Variants in RGS8 observed in about 807,000 individuals in gnomAD.
RGS8 encodes regulator of G protein signaling 8, also known as regulator of G-protein signaling 8.
Under a neutral mutation model 21.7 loss-of-function variants are expected in RGS8, and 8 were observed. That is an observed-to-expected ratio of 0.37 (90% CI 0.22 to 0.66). The LOEUF is 0.66. RGS8 is among the 30% of genes least tolerant of loss of function. RGS8 has a pLI of 0.59. For synonymous variants in RGS8, 80 were observed against 83.6 expected (o/e 0.96, Z 0.24); for missense variants, 157 against 217.9 (o/e 0.72, Z 1.76).
chr1:182,671,102 G>A (rs779982964), intron 2 of RGS8, among the ~76,000 whole-genome samples: 1 of 152,130 alleles, frequency 6.6e-6, no homozygotes, highest in Non-Finnish European at 1.5e-5. Context: ...TCCCCGCCTT[G>A]TCTCTCTTCC....
the RGS8 span, among the ~76,000 whole-genome samples, chr1:182,708,014 AT>A: frequency 6.6e-6 from 1 of 152,104 alleles, no homozygotes; most frequent in Non-Finnish European, 1.5e-5. Flanking sequence ...TATGGGGATT[AT>A]TTCTTTCAAT....
chr1:182,706,313 A>G, the RGS8 span, among the ~76,000 whole-genome samples: 1 of 152,060 alleles, frequency 6.6e-6, no homozygotes, highest in African/African-American at 2.4e-5. Context: ...ATATGTCAGG[A>G]CAACAATCTG....
At chr1:182,751,051 G>A in the RGS8 span, among the ~76,000 whole-genome samples, 3 of 152,208 alleles carry the variant, frequency 2.0e-5, no homozygotes, top group African/African-American at 7.2e-5. Context: ...CATTACAGAG[G>A]GAATGTCATG....
At chr1:182,690,685 T>A in the RGS8 span, among the ~76,000 whole-genome samples, 1 of 152,206 alleles carries the variant, frequency 6.6e-6, no homozygotes, top group African/African-American at 2.4e-5. Flanking sequence ...GGACAAAAAA[T>A]ACCTCGTGAT....
chr1:182,732,266 CTCTCAT>C, the RGS8 span, among the ~76,000 whole-genome samples: 1 of 114,286 alleles, frequency 8.7e-6, no homozygotes. Context: ...CTCGCTCTCT[CTCTCAT>C]ACACACACAC....
At chr1:182,652,154 G>A (rs1663052528) in intron 5 of RGS8, among the ~76,000 whole-genome samples, 1 of 152,246 alleles carries the variant, frequency 6.6e-6, no homozygotes, top group Non-Finnish European at 1.5e-5. Flanking sequence ...TAAACCAGAA[G>A]AGACTATATT....
intron 2 of RGS8, 75 bp from the exon 4 acceptor site, chr1:182,669,827 T>C: frequency 7.0e-7 from 1 of 1,437,134 alleles, no homozygotes; most frequent in Non-Finnish European, 9.2e-7. Context: ...CTCAGACGGG[T>C]TTCCGCCAGC....
chr1:182,643,519 G>A (rs1557877202), downstream of RGS8: 1 of 152,102 alleles, frequency 6.6e-6, no homozygotes, highest in African/African-American at 2.4e-5. Context: ...ATTCTAAGGA[G>A]CAGCCAAGGT....
At chr1:182,718,172 T>C in the RGS8 span, among the ~76,000 whole-genome samples, 4 of 151,908 alleles carry the variant, frequency 2.6e-5, no homozygotes, top group African/African-American at 4.8e-5. Context: ...TAAGAGAGAG[T>C]TGGAATATCT....
At chr1:182,688,453 A>G (rs1664753161), upstream of RGS8, among the ~76,000 whole-genome samples, 1 of 152,246 alleles carries the variant, frequency 6.6e-6, no homozygotes, top group East Asian at 1.9e-4. Context: ...AGGGAAAAGA[A>G]GAAAAAGAGG....
intron 1 of RGS8, among the ~76,000 whole-genome samples, chr1:182,678,217 A>G (rs542644959): frequency 1.1e-4 from 17 of 152,306 alleles, no homozygotes; most frequent in African/African-American, 3.4e-4. Flanking sequence ...TTGGGTGGGA[A>G]GCTGGGTGGT....
chr1:182,681,763 C>T (rs916651155), intron 1 of RGS8, among the ~76,000 whole-genome samples: 18 of 152,270 alleles, frequency 1.2e-4, no homozygotes, highest in Non-Finnish European at 1.9e-4. Context: ...TGTGTGGGTG[C>T]ACTCCGATGC....
chr1:182,664,601 TA>T, intron 5 of RGS8, among the ~76,000 whole-genome samples: 1 of 151,986 alleles, frequency 6.6e-6, no homozygotes, highest in African/African-American at 2.4e-5. Context: ...ATAGCCTCAT[TA>T]AAAAAAATAG....
chr1:182,717,793 T>C, the RGS8 span, among the ~76,000 whole-genome samples: 1 of 152,214 alleles, frequency 6.6e-6, no homozygotes, highest in Non-Finnish European at 1.5e-5. Context: ...TGGTCACTGG[T>C]ATGTCCTCAA....
the RGS8 span, among the ~76,000 whole-genome samples, chr1:182,705,664 A>G: frequency 7.4e-6 from 1 of 135,856 alleles, no homozygotes; most frequent in Admixed American, 7.1e-5. Flanking sequence ...TGCATCATCT[A>G]CAAGCAAATG....
At chr1:182,721,259 CCA>C in the RGS8 span, among the ~76,000 whole-genome samples, 4 of 151,708 alleles carry the variant, frequency 2.6e-5, no homozygotes, top group African/African-American at 9.7e-5. Flanking sequence ...AATTGGGATG[CCA>C]CAGTGAAAAA....
At chr1:182,715,743 T>C in the RGS8 span, among the ~76,000 whole-genome samples, 1 of 152,136 alleles carries the variant, frequency 6.6e-6, no homozygotes, top group Non-Finnish European at 1.5e-5. Flanking sequence ...GCCTGCCAGG[T>C]GTCTTGGTTG....
intron 3 of RGS8, 134 bp downstream of exon 4, chr1:182,669,490 C>A (rs1664044051): frequency 7.8e-7 from 1 of 1,283,724 alleles, no homozygotes; most frequent in South Asian, 1.3e-5. Context: ...ACACAGGAGG[C>A]CTATGGGGAC....
the RGS8 span, among the ~76,000 whole-genome samples, chr1:182,696,557 C>A: frequency 6.6e-6 from 1 of 152,108 alleles, no homozygotes; most frequent in African/African-American, 2.4e-5. Context: ...GGGATTTCAC[C>A]AGGCTGTTCT....
Sources: allele counts gnomAD v4.1 joint callset (sites outside exome capture counted in the v4.1 genomes callset), GRCh38; gene constraint gnomAD v4.1.1; transcripts MANE v1.5; gene names NCBI Gene and HGNC (gene_info 2026-07-23, HGNC 2026-07-21).